ZMAT4: variants seen among roughly 807,000 people sequenced by gnomAD.
The protein encoded by ZMAT4 is zinc finger matrin-type 4, also known as zinc finger matrin-type protein 4.
In ZMAT4, 17 loss-of-function variants were observed where a neutral mutation model predicts 28.7. The ratio of observed to expected loss-of-function variants is 0.59; its 90% CI spans 0.41 to 0.89. The LOEUF is 0.89. ZMAT4 is among the 40% of genes least tolerant of loss of function. The probability of loss-of-function intolerance (pLI) is 0.00; values close to 1 mark genes in which losing one functional copy is unlikely to be tolerated. For missense variants in ZMAT4, 240 were observed against 283.8 expected (o/e 0.85, Z 1.11); for synonymous variants, 117 against 109.2 (o/e 1.07, Z -0.44).
At chr8:40,549,785 C>A (rs2118416056) in intron 6 of ZMAT4, among the ~76,000 whole-genome samples, 1 of 152,188 alleles carries the variant, frequency 6.6e-6, no homozygotes, top group South Asian at 2.1e-4. Flanking sequence ...TTAAAATTTG[C>A]CAATTTCTCT....
chr8:40,807,887 G>T (rs918145495), intron 2 of ZMAT4, among the ~76,000 whole-genome samples: 10 of 152,114 alleles, frequency 6.6e-5, no homozygotes, highest in African/African-American at 2.2e-4. Flanking sequence ...AATACTAGAG[G>T]CAAGGCATAC....
At chr8:40,839,680 G>A (rs1017228172) in intron 1 of ZMAT4, among the ~76,000 whole-genome samples, 4 of 152,194 alleles carry the variant, frequency 2.6e-5, no homozygotes, top group Admixed American at 6.5e-5. Flanking sequence ...ATTGGAGGTC[G>A]ATATCTTAAG....
chr8:40,841,921 C>T (rs1263382726), intron 1 of ZMAT4, among the ~76,000 whole-genome samples: 1 of 152,188 alleles, frequency 6.6e-6, no homozygotes, highest in East Asian at 1.9e-4. Context: ...TCTCCTGGGG[C>T]AGAACAGTCT....
Position 40,699,325 on chromosome 8 carries a change from T to A in ZMAT4, c.193-1924A>T, listed in dbSNP as rs6984089. On this transcript the variant is annotated intron_variant, in intron 3 of 6. Transcript: ENST00000297737. ...TATTTGTCTCACTTTTTAAAATTTG[T>A]GTACATTTGAGGGATACAAGTGCAG... 8.9e-3 allele frequency among the ~76,000 whole-genome samples: 1,353 copies of A among 152,252 alleles called. 21 individuals are homozygous for A. The highest frequency in any genetic ancestry group is 0.029 in the African/African-American group (1,201 of 41,552).
intron 6 of ZMAT4, among the ~76,000 whole-genome samples, chr8:40,580,527 G>A (rs1363673308): frequency 1.3e-5 from 2 of 152,032 alleles, no homozygotes; most frequent in Non-Finnish European, 2.9e-5. Flanking sequence ...TATTTTATTA[G>A]CATTTTATTA....
At chr8:40,794,565 G>A (rs1814503717) in intron 2 of ZMAT4, among the ~76,000 whole-genome samples, 1 of 152,160 alleles carries the variant, frequency 6.6e-6, no homozygotes, top group Non-Finnish European at 1.5e-5. Context: ...AGGGATGGGG[G>A]AAAGACAACT....
At chr8:40,750,602 T>C (rs1362748243) in intron 3 of ZMAT4, among the ~76,000 whole-genome samples, 5 of 152,182 alleles carry the variant, frequency 3.3e-5, no homozygotes, top group South Asian at 4.1e-4. Context: ...AATAAACTTA[T>C]GTTTTGTGGG....
At chr8:40,763,657 C>A (rs1324627308) in intron 3 of ZMAT4, among the ~76,000 whole-genome samples, 10 of 152,162 alleles carry the variant, frequency 6.6e-5, no homozygotes, top group Admixed American at 6.5e-4. Flanking sequence ...TCAGGTCTGA[C>A]CACTTTGGTC....
chr8:40,621,089 A>C (rs1220893967), intron 5 of ZMAT4, among the ~76,000 whole-genome samples: 1 of 152,220 alleles, frequency 6.6e-6, no homozygotes. Context: ...CTAGCCTAAC[A>C]AGAGTGAGTA....
At chr8:40,718,211 G>A (rs1182157866) in intron 3 of ZMAT4, among the ~76,000 whole-genome samples, 2 of 152,210 alleles carry the variant, frequency 1.3e-5, no homozygotes, top group Non-Finnish European at 2.9e-5. Context: ...ATAACTGGTA[G>A]CAATTCTGCC....
chr8:40,699,069 A>G (rs1810016486), intron 3 of ZMAT4, among the ~76,000 whole-genome samples: 1 of 152,140 alleles, frequency 6.6e-6, no homozygotes. Flanking sequence ...AATGAAATGG[A>G]CCTGGAGGTA....
chr8:40,750,293 G>A (rs576762730), intron 3 of ZMAT4, among the ~76,000 whole-genome samples: 60 of 152,232 alleles, frequency 3.9e-4, no homozygotes, highest in African/African-American at 6.5e-4. Context: ...AGACTTCTTC[G>A]TTCTGCAAGA....
rs575878792 is a variant in ZMAT4 at position 40,773,884 on chromosome 8, G to GA, written c.103-6155dup. ...AAAAGAAACTAAAGATCTTATATAT[G>GA]AAAAAACAGAACAAATATAATATGG... is the stretch of plus-strand genomic sequence containing the variant. On this transcript the variant is annotated intron_variant, in intron 2 of 6. Transcript: ENST00000297737. Among the ~76,000 whole-genome samples the GA allele has an allele frequency of 6.0e-4, 91 of 152,014 alleles. No homozygotes were observed. In the East Asian group the frequency reaches 0.014, roughly 23 times the overall value.
At chr8:40,735,254 G>C (rs1811714662) in intron 3 of ZMAT4, among the ~76,000 whole-genome samples, 1 of 152,208 alleles carries the variant, frequency 6.6e-6, no homozygotes, top group Non-Finnish European at 1.5e-5. Context: ...TAAGCACAGT[G>C]CTTAGCATAT....
At chr8:40,762,232 T>C (rs1812972983) in intron 3 of ZMAT4, among the ~76,000 whole-genome samples, 1 of 152,202 alleles carries the variant, frequency 6.6e-6, no homozygotes, top group South Asian at 2.1e-4. Flanking sequence ...ACCTAGGACA[T>C]GCAATGTTAT....
chr8:40,849,443 G>T (rs546059213), intron 1 of ZMAT4, among the ~76,000 whole-genome samples: 1 of 152,282 alleles, frequency 6.6e-6, no homozygotes, highest in Non-Finnish European at 1.5e-5. Context: ...AATGCTAGAA[G>T]CCTCCCAAGA....
At chr8:40,574,462 G>A (rs1804196760) in intron 6 of ZMAT4, among the ~76,000 whole-genome samples, 2 of 152,120 alleles carry the variant, frequency 1.3e-5, no homozygotes, top group Non-Finnish European at 2.9e-5. Flanking sequence ...TTCAACGCCT[G>A]TTTCTCCTGG....
At chr8:40,824,691 TAAAGAAAGAAAGAAAAG>T (rs904434959) in intron 2 of ZMAT4, among the ~76,000 whole-genome samples, 1 of 61,380 alleles carries the variant, frequency 1.6e-5, no homozygotes, top group Non-Finnish European at 3.6e-5. Flanking sequence ...CAAAGAAAAA[TAAAGAAAGAAAGAAAAG>T]AAAGAATGAA....
At chr8:40,628,994 C>T (rs183956192) in intron 5 of ZMAT4, among the ~76,000 whole-genome samples, 2 of 124,858 alleles carry the variant, frequency 1.6e-5, no homozygotes, top group African/African-American at 2.8e-5. Flanking sequence ...ATCCTGCCCT[C>T]GAGCTTTCTT....
Sources: allele counts gnomAD v4.1 joint callset (sites outside exome capture counted in the v4.1 genomes callset), GRCh38; gene constraint gnomAD v4.1.1; transcripts MANE v1.5; gene names NCBI Gene and HGNC (gene_info 2026-07-23, HGNC 2026-07-21).